The following ITIH3 variants were observed in gnomAD, a reference collection of about 807,000 sequenced individuals.
ITIH3 encodes the protein inter-alpha-trypsin inhibitor heavy chain H3.
ITIH3 carries 81 observed loss-of-function variants against 96.5 expected under a neutral mutation model. The observed-to-expected ratio is 0.84, with a 90% confidence interval of 0.70 to 1.01. ITIH3 has a LOEUF of 1.01. Among genes scored for constraint, ITIH3 ranks in the 50% least tolerant of loss-of-function variants. The probability of loss-of-function intolerance (pLI) is 0.00; values close to 1 mark genes in which losing one functional copy is unlikely to be tolerated. For synonymous variants in ITIH3, 422 were observed against 445.2 expected (o/e 0.95, Z 0.66); for missense variants, 1,057 against 1,139.3 (o/e 0.93, Z 1.04).
Position 52,808,092 on chromosome 3 carries a change from G to A in ITIH3, c.2432-18G>A, listed in dbSNP as rs775393182. On this transcript the variant is annotated intron_variant, in intron 20 of 21. Transcript: ENST00000449956. ...GGCAATGGCCAGGGGCTGACAGCAT[G>A]AATATTTTTCTTCCCAGGGCAATTC... 5 of 1,611,980 alleles carry A rather than the reference G, an allele frequency of 3.1e-6. No individual in the cohort carries two copies. Among genetic ancestry groups the A allele is most frequent in the Non-Finnish European group, 4.2e-6 (5 of 1,178,134 alleles).
In ITIH3 at chr3:52,795,675, C is replaced by A. The variant is rs367610214; in HGVS notation, c.114+52C>A. 14 of 1,568,736 alleles carry A rather than the reference C, an allele frequency of 8.9e-6. No homozygotes were observed. In the African/African-American group the frequency reaches 1.3e-4, roughly 15 times the overall value. On this transcript the variant is annotated intron_variant, in intron 2 of 21. Transcript: ENST00000449956. The stretch of plus-strand genomic sequence containing the variant: ...CCGAGTGGGGCAGGGCAGGATGGAG[C>A]TGGTTCCCCAACTGCTGAAGGTGTA...
chr3:52,801,010 T>C lies in ITIH3; in HGVS notation c.1247T>C (p.Ile416Thr), dbSNP rs1396017430. 1 of 1,614,048 alleles carries C rather than the reference T, an allele frequency of 6.2e-7. No individual in the cohort carries two copies. Among genetic ancestry groups the C allele is most frequent in the South Asian group, 1.1e-5 (1 of 91,086 alleles). Residue 416 changes from isoleucine to threonine, a missense_variant, in exon 11 of 22, where the codon ATC becomes ACC. Transcript: ENST00000449956. Reference sequence around the variant, plus strand: ...ATCCAAGAGAATGTGCGGAATGCCATCGGGGGCAAGTTCCCCTTGTATAAC... The same window carrying C: ...ATCCAAGAGAATGTGCGGAATGCCACCGGGGGCAAGTTCCCCTTGTATAAC... Reference protein sequence around the residue: ...EKIQENVRNAIGGKFPLYNLG... With the variant: ...EKIQENVRNATGGKFPLYNLG...
chr3:52,804,908 A>T (rs1699982530), intron 15 of ITIH3, 174 bp downstream of exon 15: 2 of 699,792 alleles, frequency 2.9e-6, no homozygotes, highest in Non-Finnish European at 4.9e-6. Context: ...GAGCCTGAGG[A>T]TCCCTGTGAG....
At chr3:52,795,000 G>A (rs1699521996) in intron 1 of ITIH3, 104 bp downstream of exon 1, 1 of 941,312 alleles carries the variant, frequency 1.1e-6, no homozygotes, top group African/African-American at 1.6e-5. Flanking sequence ...GCAGAGGGCT[G>A]GGCACTGAGC....
At chr3:52,797,013 C>T in intron 4 of ITIH3, 92 bp from the exon 5 acceptor site, 1 of 1,451,174 alleles carries the variant, frequency 6.9e-7, no homozygotes, top group East Asian at 2.5e-5. Flanking sequence ...TTAGGGATCT[C>T]CCTCGCCAAA....
intron 13 of ITIH3, among the ~76,000 whole-genome samples, chr3:52,803,289 TATTTATTTATTTATTTA>T (rs1401792851): frequency 1.9e-3 from 272 of 143,982 alleles, no homozygotes; most frequent in South Asian, 5.9e-3. Context: ...TTTATTTATT[TATTTATTTATTTATTTA>T]TTTTATTTTA....
In ITIH3 at chr3:52,797,039, C is replaced by T. The variant is rs1422351964; in HGVS notation, c.387-66C>T. 5.9e-6 allele frequency: 9 copies of T among 1,536,106 alleles called. No individual in the cohort carries two copies. The East Asian group carries it at 7.2e-5, about 12-fold the overall frequency. ...CCTCGCCAAAGGGCTGGGCCTGGGG[C>T]CGAGGGCCGAGGAAGGGTGGGCTCC... On this transcript the variant is annotated intron_variant, in intron 4 of 21. Coordinates refer to ENST00000449956, the MANE Select transcript of ITIH3 (RefSeq NM_002217.4).
In ITIH3 at chr3:52,795,524, C is replaced by G. The variant is rs1030759947; in HGVS notation, c.94-79C>G. 9 of 1,508,684 alleles carry G rather than the reference C, an allele frequency of 6.0e-6. No individual in the cohort carries two copies. In the African/African-American group the frequency reaches 1.1e-4, roughly 18 times the overall value. The allele number at this position is 1,508,684 out of a possible 1,614,324, so 93.5% of individuals were successfully genotyped here. On this transcript the variant is annotated intron_variant, in intron 1 of 21. Coordinates refer to ENST00000449956, the MANE Select transcript of ITIH3 (RefSeq NM_002217.4). The stretch of plus-strand genomic sequence containing the variant: ...GCACCACTGAACCCCTGGTCTCAGC[C>G]CAGAGCCTCCCAGGCCATGCGGCCT...
intron 18 of ITIH3, 128 bp downstream of exon 18, chr3:52,806,534 C>T: frequency 1.4e-6 from 1 of 716,406 alleles, no homozygotes; most frequent in Non-Finnish European, 2.3e-6. Flanking sequence ...GCAAAGAAAC[C>T]CCTGGGGGTG....
At chr3:52,799,246 C>T (rs1699715067) in intron 7 of ITIH3, 126 bp from the exon 8 acceptor site, 1 of 1,181,644 alleles carries the variant, frequency 8.5e-7, no homozygotes, top group Non-Finnish European at 1.2e-6. Flanking sequence ...GGTGCAGCAC[C>T]CCCTAGAGGG....
chr3:52,807,185 C>CTCA, intron 19 of ITIH3, 80 bp downstream of exon 19: 1 of 1,248,292 alleles, frequency 8.0e-7, no homozygotes, highest in Non-Finnish European at 1.1e-6. Context: ...AGAAAAATCC[C>CTCA]AGGACAGGAG....
chr3:52,804,475 A>T (rs1214495922), intron 14 of ITIH3: 1 of 527,722 alleles, frequency 1.9e-6, no homozygotes, highest in African/African-American at 1.9e-5. Flanking sequence ...GCAACTAGGT[A>T]CAGGGTCTGT....
At chr3:52,804,407 G>T (rs1699962262) in intron 14 of ITIH3, 1 of 442,120 alleles carries the variant, frequency 2.3e-6, no homozygotes, top group Non-Finnish European at 4.1e-6. Flanking sequence ...TGGAGGCTGG[G>T]ACCCCCTCAA....
chr3:52,804,275 A>T, intron 14 of ITIH3: 1 of 513,856 alleles, frequency 1.9e-6, no homozygotes. Context: ...CATTTCAAGG[A>T]AAAGGACTGA....
intron 19 of ITIH3, among the ~76,000 whole-genome samples, chr3:52,807,376 T>G (rs1177407355): frequency 6.6e-6 from 1 of 152,216 alleles, no homozygotes; most frequent in African/African-American, 2.4e-5. Context: ...TTGCCTCTTC[T>G]GTGGCTGCTC....
rs1334840654 is a variant in ITIH3, at chr3:52,797,145, A to G, written c.427A>G (p.Asn143Asp). Residue 143 changes from asparagine to aspartate, a missense_variant, in exon 5 of 22, where the codon AAC (asparagine) becomes GAC (aspartate). Coordinates refer to ENST00000449956, the MANE Select transcript of ITIH3 (RefSeq NM_002217.4). Reference sequence around the variant, plus strand: ...GTTGGAGAAGTTCACAGTCTCGGTCAACGTGGCTGCAGGCAGCAAAGTCAC... The same window carrying G: ...GTTGGAGAAGTTCACAGTCTCGGTCGACGTGGCTGCAGGCAGCAAAGTCAC... ...RKLEKFTVSV[N>D]VAAGSKVTFE... 1 of 1,610,126 alleles carries G rather than the reference A, an allele frequency of 6.2e-7. No individual in the cohort carries two copies. The highest frequency in any genetic ancestry group is 8.5e-7 in the Non-Finnish European group (1 of 1,178,516).
At chr3:52,795,800 G>A in intron 2 of ITIH3, 177 bp downstream of exon 2, 2 of 598,842 alleles carry the variant, frequency 3.3e-6, no homozygotes, top group South Asian at 4.6e-5. Context: ...GCACCACAGA[G>A]TGACGACCCC....
Position 52,796,535 on chromosome 3 carries a change from C to G in ITIH3, c.169C>G (p.Arg57Gly), listed in dbSNP as rs1007473396. 6.2e-7 allele frequency: 1 copy of G among 1,613,500 alleles called. No homozygotes were observed. The highest frequency in any genetic ancestry group is 1.3e-5 in the African/African-American group (1 of 75,036). The change falls in exon 3 of 22, where the codon CGT (arginine) becomes GGT (glycine). Residue 57 changes from arginine to glycine, a missense_variant. Transcript: ENST00000449956. The stretch of plus-strand genomic sequence containing the variant: ...CAAAATCAACTCCAAGGTGACCTCC[C>G]GTTTTGCTCACAATGTTGTCACCAT... ...STKINSKVTS[R>G]FAHNVVTMRA...
chr3:52,802,247 C>A, intron 11 of ITIH3, 87 bp from the exon 12 acceptor site: 1 of 1,415,866 alleles, frequency 7.1e-7, no homozygotes, highest in South Asian at 1.3e-5. Flanking sequence ...TTAGGACGGG[C>A]CCAGCCCTGG....
Sources: allele counts gnomAD v4.1 joint callset (sites outside exome capture counted in the v4.1 genomes callset), GRCh38; gene constraint gnomAD v4.1.1; transcripts MANE v1.5; gene names NCBI Gene and HGNC (gene_info 2026-07-23, HGNC 2026-07-21).